Variants in HSD3B7 observed in about 807,000 individuals in gnomAD.
The protein encoded by HSD3B7 is hydroxy-delta-5-steroid dehydrogenase, 3 beta- and steroid delta-isomerase 7, also known as 3 beta-hydroxysteroid dehydrogenase type 7.
HSD3B7 carries 35 observed loss-of-function variants against 34.3 expected under a neutral mutation model. That is an observed-to-expected ratio of 1.02 (90% CI 0.78 to 1.35). HSD3B7 has a LOEUF of 1.35. Ranked by LOEUF, HSD3B7 falls within the 40% of genes most tolerant of loss-of-function variation. The probability of loss-of-function intolerance (pLI) is 0.00; values close to 1 mark genes in which losing one functional copy is unlikely to be tolerated. For synonymous variants in HSD3B7, 217 were observed against 220.1 expected (o/e 0.99, Z 0.13); for missense variants, 426 against 504.7 (o/e 0.84, Z 1.49).
Position 30,986,039 on chromosome 16 carries a change from C to A in HSD3B7, c.167-10C>A. The A allele has an allele frequency of 2.5e-6, 4 of 1,612,240 alleles. No individual in the cohort carries two copies. The highest frequency in any genetic ancestry group is 2.2e-5 in the East Asian group (1 of 44,888). ...CTCTGACATGGCCTGTGTCCTCCAA[C>A]CCCGGCCAGGGCCTGTGAGGGTGAC... On this transcript the variant is annotated splice_polypyrimidine_tract_variant and intron_variant, in intron 2 of 6. Coordinates refer to ENST00000297679, the MANE Select transcript of HSD3B7 (RefSeq NM_025193.4).
chr16:30,986,779 G>T (rs996088550), intron 5 of HSD3B7, 61 bp from the exon 6 acceptor site: 2 of 1,612,544 alleles, frequency 1.2e-6, no homozygotes, highest in African/African-American at 2.7e-5. Context: ...GCCCAAGGAG[G>T]CCGGGGCCGA....
In HSD3B7 at chr16:30,988,440, C is replaced by T; in HGVS notation, c.*257C>T. On this transcript the variant is annotated 3_prime_UTR_variant, in exon 7 of 7. Coordinates refer to ENST00000297679, the MANE Select transcript of HSD3B7 (RefSeq NM_025193.4). ...CTCAACCTCCTGGGTTCAAGCAATC[C>T]TCCTGCCTCAGCCTCCTGAACAGCT... The T allele has an allele frequency of 2.1e-6, 1 of 483,688 alleles. No homozygotes were observed. Among genetic ancestry groups the T allele is most frequent in the Non-Finnish European group, 3.7e-6 (1 of 266,956 alleles). The allele number at this position is 483,688 out of a possible 1,614,324, so 30.0% of individuals were successfully genotyped here.
intron 3 of HSD3B7, 78 bp from the exon 4 acceptor site, chr16:30,986,345 C>T: frequency 6.4e-7 from 1 of 1,566,842 alleles, no homozygotes; most frequent in Non-Finnish European, 8.7e-7. Flanking sequence ...TCATGGTTTT[C>T]CCTGGACCTG....
Position 30,985,312 on chromosome 16 carries a change from T to A in HSD3B7, c.-7+15T>A, listed in dbSNP as rs1406752214. The A allele has an allele frequency of 8.2e-7, 1 of 1,218,476 alleles. No homozygotes were observed. 75.5% of individuals were successfully genotyped at this position (1,218,476 alleles called of 1,614,324 possible). A position where few individuals can be genotyped will look rare whatever the true frequency, so the allele number is the denominator to read the frequency against. On this transcript the variant is annotated intron_variant, in intron 1 of 6. Transcript: ENST00000297679. The stretch of plus-strand genomic sequence containing the variant: ...AGCGGCTGCAGGTAGGCAGAGGCGC[T>A]GCCAGTGCCCAGGTGGCCTTTCCCT...
chr16:30,988,309 T>C lies in HSD3B7; in HGVS notation c.*126T>C. ...GGCAGGGCTCTGGGGCCAGAATGGC[T>C]GTCCTTGTCGTAGAGCCCTCCACAT... On this transcript the variant is annotated 3_prime_UTR_variant, in exon 7 of 7. Transcript: ENST00000297679. 2 of 897,116 alleles carry C rather than the reference T, an allele frequency of 2.2e-6. No homozygotes were observed. The highest frequency in any genetic ancestry group is 3.3e-6 in the Non-Finnish European group (2 of 599,618). 55.6% of individuals were successfully genotyped at this position (897,116 alleles called of 1,614,324 possible). A position where few individuals can be genotyped will look rare whatever the true frequency, so the allele number is the denominator to read the frequency against.
Position 30,985,807 on chromosome 16 carries a change from T to C in HSD3B7, c.149T>C (p.Leu50Pro). Residue 50 changes from leucine (L) to proline (P), a missense_variant, in exon 2 of 7, where the codon CTG becomes CCG. Transcript: ENST00000297679. ...TTTGACCAACACCTGGGTCCCTGGC[T>C]GGAGGAGCTGAAGACAGGTTCTTGT... is the stretch of plus-strand genomic sequence containing the variant. ...RVFDQHLGPWLEELKTGPVRV... is the reference protein window; with the variant it reads ...RVFDQHLGPWPEELKTGPVRV... 1 of 1,601,578 alleles carries C rather than the reference T, an allele frequency of 6.2e-7. No homozygotes were observed. Among genetic ancestry groups the C allele is most frequent in the Non-Finnish European group, 8.5e-7 (1 of 1,175,328 alleles).
chr16:30,989,087 G>A lies in HSD3B7; in HGVS notation c.*904G>A. ...CCTTCCCAGCACATCGCCAGCCCTG[G>A]GCCTGGGGATGTCCCCAATGCTGTA... On this transcript the variant is annotated 3_prime_UTR_variant, in exon 7 of 7. Coordinates refer to ENST00000297679, the MANE Select transcript of HSD3B7 (RefSeq NM_025193.4). 1 of 152,260 alleles carries A rather than the reference G, an allele frequency of 6.6e-6. No individual in the cohort carries two copies. 9.4% of individuals were successfully genotyped at this position (152,260 alleles called of 1,614,324 possible). A position where few individuals can be genotyped will look rare whatever the true frequency, so the allele number is the denominator to read the frequency against.
chr16:30,987,722 G>T lies in HSD3B7; in HGVS notation c.695-46G>T, dbSNP rs368495740. 8.7e-6 allele frequency: 14 copies of T among 1,601,558 alleles called. No homozygotes were observed. The Admixed American group carries it at 1.2e-4, about 13-fold the overall frequency. On this transcript the variant is annotated intron_variant, in intron 6 of 6. Coordinates refer to ENST00000297679, the MANE Select transcript of HSD3B7 (RefSeq NM_025193.4). The stretch of plus-strand genomic sequence containing the variant: ...AGGAGAGCAGCCTCGATGTGGTGTT[G>T]CAAGGGCACTCAGGGGTGTGTCCGC...
rs772080345 is a variant in HSD3B7 at position 30,988,038 on chromosome 16, A to G, written c.965A>G (p.Tyr322Cys). The change falls in exon 7 of 7, where the codon TAC becomes TGC. Residue 322 changes from tyrosine (Y) to cysteine (C), a missense_variant. By Grantham distance (194) the Tyr-to-Cys change is radical. Transcript: ENST00000297679. Reference protein sequence around the residue: ...LVLYAPLLNPYTLAVANTTFT... With the variant: ...LVLYAPLLNPCTLAVANTTFT... ...CTCTACGCACCCCTGCTGAACCCCTACACGCTGGCCGTGGCCAACACCACC... is the reference window on the plus strand; with the variant it reads ...CTCTACGCACCCCTGCTGAACCCCTGCACGCTGGCCGTGGCCAACACCACC... The G allele has an allele frequency of 2.7e-5, 44 of 1,607,212 alleles. No individual in the cohort carries two copies. Among genetic ancestry groups the G allele is most frequent in the Non-Finnish European group, 3.6e-5 (42 of 1,179,948 alleles).
chr16:30,989,055 C>T lies in HSD3B7; in HGVS notation c.*872C>T, dbSNP rs185723861. 4 of 152,434 alleles carry T rather than the reference C, an allele frequency of 2.6e-5. No individual in the cohort carries two copies. The highest frequency in any genetic ancestry group is 3.9e-4 in the East Asian group (2 of 5,180). 9.4% of individuals were successfully genotyped at this position (152,434 alleles called of 1,614,324 possible). On this transcript the variant is annotated 3_prime_UTR_variant, in exon 7 of 7. Transcript: ENST00000297679. The stretch of plus-strand genomic sequence containing the variant: ...ATGCTTTCACTTCCCACCTCTCTAC[C>T]TAAGTTCCTTCCCAGCACATCGCCA...
Position 30,988,012 on chromosome 16 carries a change from G to C in HSD3B7, c.939G>C (p.Val313=). 1 of 1,608,814 alleles carries C rather than the reference G, an allele frequency of 6.2e-7. No individual in the cohort carries two copies. The highest frequency in any genetic ancestry group is 1.3e-5 in the African/African-American group (1 of 75,064). ...ALLQWLLRPL[V]LYAPLLNPYT... ...TGCAGTGGCTGCTGCGGCCACTGGT[G>C]CTCTACGCACCCCTGCTGAACCCCT... The change falls in exon 7 of 7, where the codon GTG becomes GTC. Residue 313 remains valine, a synonymous_variant. Transcript: ENST00000297679.
At chr16:30,985,448 C>T (rs752255351) in intron 1 of HSD3B7, 151 bp downstream of exon 1, 181 of 1,460,056 alleles carry the variant, frequency 1.2e-4, no homozygotes, top group Non-Finnish European at 1.7e-5. Context: ...TGACCCCTTC[C>T]TGCACCCCAA....
At chr16:30,987,047 G>A (rs1322257982) in intron 6 of HSD3B7, 45 bp downstream of exon 6, 3 of 1,583,368 alleles carry the variant, frequency 1.9e-6, no homozygotes, top group Non-Finnish European at 2.6e-6. Context: ...TATGGCAGGA[G>A]GACTTGCTCT....
At chr16:30,986,575 A>G in intron 4 of HSD3B7, 30 bp from the exon 5 acceptor site, 1 of 1,613,356 alleles carries the variant, frequency 6.2e-7, no homozygotes, top group South Asian at 1.1e-5. Flanking sequence ...CATTTCCCTC[A>G]GCATTGAGTC....
chr16:30,985,989 C>A, intron 2 of HSD3B7, 60 bp from the exon 3 acceptor site: 1 of 1,595,444 alleles, frequency 6.3e-7, no homozygotes, highest in Non-Finnish European at 8.6e-7. Flanking sequence ...GGAAGATGAA[C>A]CCAGCCTCTG....
intron 1 of HSD3B7, 167 bp downstream of exon 1, chr16:30,985,464 C>T (rs2056454050): frequency 6.8e-7 from 1 of 1,474,312 alleles, no homozygotes; most frequent in Non-Finnish European, 9.0e-7. Context: ...CCCAAGCCCG[C>T]CCCTCTCTCC....
chr16:30,985,822 C>T lies in HSD3B7; in HGVS notation c.164C>T (p.Thr55Ile). 1.3e-5 allele frequency: 20 copies of T among 1,599,640 alleles called. No homozygotes were observed. The highest frequency in any genetic ancestry group is 1.7e-5 in the Non-Finnish European group (20 of 1,174,368). The change falls in exon 2 of 7, where the codon ACA becomes ATA. Residue 55 changes from threonine (T) to isoleucine (I), a missense_variant and splice_region_variant. Physicochemically the swap from Thr to Ile is moderately conservative, Grantham distance 89. Transcript: ENST00000297679. ...GGTCCCTGGCTGGAGGAGCTGAAGA[C>T]AGGTTCTTGTTGGGGGAGCTTGTGG... is the stretch of plus-strand genomic sequence containing the variant. ...HLGPWLEELKTGPVRVTAIQG... is the reference protein window; with the variant it reads ...HLGPWLEELKIGPVRVTAIQG...
rs387906288 is a variant in HSD3B7, at chr16:30,986,205, G to T, written c.322+1G>T. 23 of 1,613,776 alleles carry T rather than the reference G, an allele frequency of 1.4e-5. No individual in the cohort carries two copies. The highest frequency in any genetic ancestry group is 1.9e-5 in the Non-Finnish European group (22 of 1,179,886). On this transcript the variant is annotated splice_donor_variant, in intron 3 of 6. Coordinates refer to ENST00000297679, the MANE Select transcript of HSD3B7 (RefSeq NM_025193.4). LOFTEE classifies it high-confidence loss of function. ...ACCATCCATGAGGTCAACGTGCAGG[G>T]TGAGGAGCTCTGGACACTCCTGGCC... is the stretch of plus-strand genomic sequence containing the variant.
rs1243814928 is a variant in HSD3B7, at chr16:30,986,942, C to G, written c.634C>G (p.Leu212Val). The G allele has an allele frequency of 2.5e-6, 4 of 1,613,700 alleles. No individual in the cohort carries two copies. The highest frequency in any genetic ancestry group is 2.5e-6 in the Non-Finnish European group (3 of 1,179,978). Residue 212 changes from leucine (L) to valine (V), a missense_variant, in exon 6 of 7, where the codon CTG becomes GTG. Transcript: ENST00000297679. ...MRDFYRQGLR[L>V]GGWLFRAIPA... ...GGACTTCTACCGCCAGGGCCTGCGC[C>G]TGGGAGGTTGGCTCTTCCGGGCCAT...
Sources: gnomAD v4.1 joint callset for allele counts on GRCh38, gnomAD v4.1.1 for gene constraint, MANE v1.5 for transcripts, NCBI Gene and HGNC (gene_info 2026-07-23, HGNC 2026-07-21) for gene names.